Variants in KLHL13 observed in about 807,000 individuals in gnomAD.
KLHL13 encodes the protein kelch like family member 13, also known as kelch-like protein 13.
KLHL13 carries 10 observed loss-of-function variants against 37.1 expected under a neutral mutation model. The ratio of observed to expected loss-of-function variants is 0.27; its 90% CI spans 0.17 to 0.46. KLHL13 has a LOEUF of 0.46. KLHL13 is among the 20% of genes least tolerant of loss of function. The probability of loss-of-function intolerance (pLI) is 1.00; values close to 1 mark genes in which losing one functional copy is unlikely to be tolerated. For synonymous variants in KLHL13, 163 were observed against 181.2 expected, an observed-to-expected ratio of 0.90 and a Z score of 0.81; for missense variants, 360 against 509.3, an observed-to-expected ratio of 0.71 and a Z score of 2.82.
chrX:118,085,409 T>C (rs1160845835), intron 1 of KLHL13, among the ~76,000 whole-genome samples: 2 of 110,716 alleles, frequency 1.8e-5, no homozygotes, highest in African/African-American at 6.6e-5. Context: ...ATAGAACAAA[T>C]GGGATGAGTA....
exon 7 of KLHL13, chrX:117,898,958 C>G (rs1430502305): frequency 4.1e-6 from 5 of 1,210,510 alleles, no homozygotes; most frequent in Non-Finnish European, 5.6e-6. Context: ...GTGGTTTCTT[C>G]TGGTGGAAAA....
At chrX:117,981,587 ATTCCTTAT>A (rs200071333) in intron 1 of KLHL13, among the ~76,000 whole-genome samples, 6,781 of 111,544 alleles carry the variant, frequency 0.061, 512 homozygotes, top group African/African-American at 0.21. Context: ...TTATTCATTC[ATTCCTTAT>A]TTCCTTATTC....
At chrX:117,930,031 C>A (rs1411166826) in intron 2 of KLHL13, among the ~76,000 whole-genome samples, 2 of 107,953 alleles carry the variant, frequency 1.9e-5, no homozygotes, top group Non-Finnish European at 3.8e-5. Flanking sequence ...CTCAAACCTA[C>A]AGATAACATC....
At chrX:117,967,578 C>T (rs1165823071) in intron 1 of KLHL13, among the ~76,000 whole-genome samples, 3 of 111,177 alleles carry the variant, frequency 2.7e-5, no homozygotes, top group African/African-American at 3.3e-5. Flanking sequence ...ATGGGGGAAG[C>T]GATTACTTGG....
At chrX:117,930,233 GAA>G in intron 2 of KLHL13, among the ~76,000 whole-genome samples, 1 of 88,315 alleles carries the variant, frequency 1.1e-5, no homozygotes, top group African/African-American at 5.3e-5. Flanking sequence ...AGGAAGGAAG[GAA>G]GGAAGGGAGG....
At chrX:118,100,459 A>T (rs962501385) in intron 1 of KLHL13, among the ~76,000 whole-genome samples, 8 of 111,941 alleles carry the variant, frequency 7.1e-5, no homozygotes, top group Middle Eastern at 4.6e-3. Flanking sequence ...TGATATTGTT[A>T]TGTTAATTAT....
At chrX:118,032,442 C>T (rs1350117121) in intron 1 of KLHL13, among the ~76,000 whole-genome samples, 1 of 111,904 alleles carries the variant, frequency 8.9e-6, no homozygotes, top group Non-Finnish European at 1.9e-5. Flanking sequence ...CCCTGACCCC[C>T]AAGCAGCCTA....
At chrX:118,063,211 A>C (rs183121515) in intron 1 of KLHL13, among the ~76,000 whole-genome samples, 1 of 111,670 alleles carries the variant, frequency 9.0e-6, no homozygotes, top group East Asian at 2.8e-4. Flanking sequence ...CACTACAGTA[A>C]AATTTGGTTG....
At chrX:118,088,672 T>C (rs1401342852) in intron 1 of KLHL13, among the ~76,000 whole-genome samples, 1 of 112,042 alleles carries the variant, frequency 8.9e-6, no homozygotes, top group Non-Finnish European at 1.9e-5. Context: ...GAATAGTTTC[T>C]GGTTTCAAGA....
At chrX:117,986,559 C>T (rs1196799768) in intron 1 of KLHL13, among the ~76,000 whole-genome samples, 1 of 111,407 alleles carries the variant, frequency 9.0e-6, no homozygotes, top group East Asian at 2.8e-4. Flanking sequence ...CAGTACATAC[C>T]GGCCAACCTA....
chrX:118,089,138 A>C (rs1311971244), intron 1 of KLHL13, among the ~76,000 whole-genome samples: 1 of 111,426 alleles, frequency 9.0e-6, no homozygotes, highest in East Asian at 2.8e-4. Context: ...CATCCACGTC[A>C]CCAAAGGCTT....
At chrX:118,065,211 T>C (rs1207538123) in intron 1 of KLHL13, among the ~76,000 whole-genome samples, 6 of 112,009 alleles carry the variant, frequency 5.4e-5, no homozygotes, top group Non-Finnish European at 9.4e-5. Context: ...GTGACTTTTC[T>C]AGTTTTGTAA....
intron 1 of KLHL13, among the ~76,000 whole-genome samples, chrX:117,968,576 A>T (rs2053474664): frequency 1.8e-5 from 2 of 111,890 alleles, no homozygotes; most frequent in African/African-American, 6.5e-5. Context: ...AATTGTGCAT[A>T]AGTAATAAAA....
chrX:117,930,196 G>A (rs940006564), intron 2 of KLHL13, among the ~76,000 whole-genome samples: 11 of 101,668 alleles, frequency 1.1e-4, no homozygotes, highest in Non-Finnish European at 2.2e-4. Flanking sequence ...GAAAGGGAGG[G>A]CAAGAAAGGA....
chrX:118,035,630 A>G (rs2054428749), intron 1 of KLHL13, among the ~76,000 whole-genome samples: 1 of 110,598 alleles, frequency 9.0e-6, no homozygotes, highest in African/African-American at 3.4e-5. Flanking sequence ...ACCCACAGCC[A>G]ATATCATACT....
At chrX:118,029,184 G>A (rs1037188702) in intron 1 of KLHL13, among the ~76,000 whole-genome samples, 12 of 111,384 alleles carry the variant, frequency 1.1e-4, no homozygotes, top group African/African-American at 3.9e-4. Flanking sequence ...AGTTGGGTTA[G>A]ACAAGAGAAG....
intron 1 of KLHL13, among the ~76,000 whole-genome samples, chrX:118,091,177 T>G (rs185739391): frequency 0.023 from 2,421 of 105,258 alleles, 70 homozygotes; most frequent in African/African-American, 0.078. Flanking sequence ...TACCTAATGT[T>G]AAATGACGAG....
intron 1 of KLHL13, among the ~76,000 whole-genome samples, chrX:117,992,239 A>T (rs1174326911): frequency 9.2e-6 from 1 of 108,202 alleles, no homozygotes; most frequent in Non-Finnish European, 1.9e-5. Context: ...AGATGTAAAA[A>T]AAAAAAAAAA....
At chrX:118,051,817 T>C (rs965398288) in intron 1 of KLHL13, among the ~76,000 whole-genome samples, 4 of 111,191 alleles carry the variant, frequency 3.6e-5, no homozygotes, top group African/African-American at 1.3e-4. Context: ...CTGTAGTTCA[T>C]TGGGAGAACT....
Sources: allele counts gnomAD v4.1 joint callset (sites outside exome capture counted in the v4.1 genomes callset), GRCh38; gene constraint gnomAD v4.1.1; transcripts MANE v1.5; gene names NCBI Gene and HGNC (gene_info 2026-07-23, HGNC 2026-07-21).